SORCS1: variants seen among roughly 807,000 people sequenced by gnomAD.
SORCS1 encodes the protein sortilin related VPS10 domain containing receptor 1, also known as VPS10 domain-containing receptor SorCS1.
In SORCS1, 60 loss-of-function variants were observed where a neutral mutation model predicts 146.1. The ratio of observed to expected loss-of-function variants is 0.41; its 90% CI spans 0.33 to 0.51. SORCS1 has a LOEUF of 0.51. Ranked by LOEUF, SORCS1 falls within the 20% of genes least tolerant of loss-of-function variation. The probability of loss-of-function intolerance (pLI) is 0.21; values close to 1 mark genes in which losing one functional copy is unlikely to be tolerated. For missense variants in SORCS1, 1,352 were observed against 1,487.6 expected (o/e 0.91, Z 1.50); for synonymous variants, 637 against 584.0 (o/e 1.09, Z -1.31).
rs11193221 is a variant in SORCS1 at position 107,155,839 on chromosome 10, G to A, written c.558+8130C>T. 7.4e-3 allele frequency among the ~76,000 whole-genome samples: 1,129 copies of A among 152,186 alleles called. 9 individuals are homozygous for A. Among genetic ancestry groups the A allele is most frequent in the Non-Finnish European group, 0.012 (829 of 68,006 alleles). The stretch of plus-strand genomic sequence containing the variant: ...TTCCAGGGCACAACATGATTAGTTG[G>A]TTGTCTGATAACATGATTCTTATTA... On this transcript the variant is annotated intron_variant, in intron 1 of 25. Coordinates refer to ENST00000263054, the MANE Select transcript of SORCS1 (RefSeq NM_052918.5).
intron 1 of SORCS1, among the ~76,000 whole-genome samples, chr10:107,046,401 T>C (rs1183982141): frequency 2.0e-5 from 3 of 152,112 alleles, no homozygotes; most frequent in Non-Finnish European, 4.4e-5. Context: ...TAAATATATT[T>C]AACATATTTA....
rs188759155 is a variant in SORCS1, at chr10:106,992,029, C to T, written c.559-35449G>A. Among the ~76,000 whole-genome samples, 65 of 144,218 alleles carry T rather than the reference C, an allele frequency of 4.5e-4. No homozygotes were observed. In the East Asian group the frequency reaches 5.2e-3, roughly 12 times the overall value. 94.6% of individuals were successfully genotyped at this position (144,218 alleles called of 152,430 possible). On this transcript the variant is annotated intron_variant, in intron 1 of 25. Transcript: ENST00000263054. ...AAACTTTGCATGTTATAATGTGACT[C>T]GTTGTGAATATTGCCTCAAAAACTT...
chr10:106,800,707 T>C (rs1286697486), intron 3 of SORCS1, among the ~76,000 whole-genome samples: 1 of 151,788 alleles, frequency 6.6e-6, no homozygotes, highest in Non-Finnish European at 1.5e-5. Context: ...TTTGTTTGTT[T>C]GTTTTGTTTT....
intron 15 of SORCS1, among the ~76,000 whole-genome samples, chr10:106,672,618 T>G (rs2486153): frequency 0.99 from 150,269 of 152,310 alleles, 74,161 homozygotes; most frequent in East Asian, 1. Context: ...TTCATTTTGA[T>G]TTGTAAGCCT....
At chr10:106,713,122 G>A (rs74152231) in intron 6 of SORCS1, among the ~76,000 whole-genome samples, 3,780 of 152,200 alleles carry the variant, frequency 0.025, 139 homozygotes, top group African/African-American at 0.085. Context: ...CTAGGTTTCT[G>A]GTTGCCCAAA....
intron 1 of SORCS1, among the ~76,000 whole-genome samples, chr10:106,991,350 C>T (rs1174236725): frequency 2.6e-5 from 4 of 152,232 alleles, no homozygotes; most frequent in African/African-American, 9.6e-5. Flanking sequence ...ATGACACCCA[C>T]ATCCTGGCCT....
At chr10:106,741,361 G>T (rs1185414966) in intron 5 of SORCS1, among the ~76,000 whole-genome samples, 2 of 152,208 alleles carry the variant, frequency 1.3e-5, no homozygotes, top group East Asian at 3.9e-4. Flanking sequence ...CAGTTTGAGA[G>T]GCTAAGGCAG....
chr10:107,011,678 T>C (rs1362302879), intron 1 of SORCS1, among the ~76,000 whole-genome samples: 1 of 152,212 alleles, frequency 6.6e-6, no homozygotes, highest in Admixed American at 6.5e-5. Flanking sequence ...TGTCAGATAA[T>C]ACAAGAGAAC....
intron 14 of SORCS1, 40 bp downstream of exon 14, chr10:106,675,007 CTT>C: frequency 1.3e-6 from 2 of 1,503,074 alleles, no homozygotes; most frequent in Non-Finnish European, 1.8e-6. Context: ...GTGGATTACT[CTT>C]TTCTATGAAG....
At chr10:106,761,236 T>G (rs1859086414) in intron 5 of SORCS1, among the ~76,000 whole-genome samples, 1 of 152,136 alleles carries the variant, frequency 6.6e-6, no homozygotes, top group Middle Eastern at 3.2e-3. Context: ...ATATGCGATA[T>G]ATGTGTATAT....
chr10:106,858,927 T>C (rs1272075026), intron 2 of SORCS1, among the ~76,000 whole-genome samples: 1 of 152,134 alleles, frequency 6.6e-6, no homozygotes, highest in African/African-American at 2.4e-5. Flanking sequence ...ATATGTACCA[T>C]CCATTCTAGT....
At chr10:107,111,780 A>G (rs1370265706) in intron 1 of SORCS1, among the ~76,000 whole-genome samples, 1 of 152,208 alleles carries the variant, frequency 6.6e-6, no homozygotes, top group Non-Finnish European at 1.5e-5. Flanking sequence ...CACATTATAA[A>G]TGAATTATTA....
At chr10:106,745,132 A>G (rs767291802) in intron 5 of SORCS1, among the ~76,000 whole-genome samples, 2 of 152,192 alleles carry the variant, frequency 1.3e-5, no homozygotes, top group Non-Finnish European at 2.9e-5. Flanking sequence ...TAAAGAAACA[A>G]TAAGGGCCAG....
chr10:106,618,536 G>T (rs1339675798), intron 20 of SORCS1, among the ~76,000 whole-genome samples: 3 of 152,188 alleles, frequency 2.0e-5, no homozygotes, highest in Non-Finnish European at 4.4e-5. Flanking sequence ...AGATGGATAG[G>T]TCTTGCTTGC....
chr10:107,052,129 C>T (rs1960179638), intron 1 of SORCS1, among the ~76,000 whole-genome samples: 2 of 152,142 alleles, frequency 1.3e-5, no homozygotes, highest in South Asian at 2.1e-4. Flanking sequence ...TAGCAAGCTG[C>T]TTATTACAGC....
At chr10:106,744,849 G>A (rs1025716533) in intron 5 of SORCS1, among the ~76,000 whole-genome samples, 6 of 152,136 alleles carry the variant, frequency 3.9e-5, no homozygotes, top group Admixed American at 3.9e-4. Context: ...GAAAAGATGT[G>A]TGAGTTGCCC....
chr10:107,091,011 TG>T (rs1263792805), intron 1 of SORCS1, among the ~76,000 whole-genome samples: 1 of 151,798 alleles, frequency 6.6e-6, no homozygotes, highest in Non-Finnish European at 1.5e-5. Context: ...AGTAAACACA[TG>T]GGAAAGAAAA....
intron 1 of SORCS1, among the ~76,000 whole-genome samples, chr10:107,150,872 A>T (rs1470906337): frequency 6.6e-6 from 1 of 152,212 alleles, no homozygotes. Context: ...AAGTTTCGTG[A>T]GGCCTCCCCA....
chr10:107,105,026 T>C (rs1349383789), intron 1 of SORCS1, among the ~76,000 whole-genome samples: 1 of 152,172 alleles, frequency 6.6e-6, no homozygotes, highest in East Asian at 1.9e-4. Flanking sequence ...TTCTCAATAA[T>C]CAACATATAT....
Sources: gnomAD v4.1 joint callset for allele counts (sites outside exome capture counted in the v4.1 genomes callset) on GRCh38, gnomAD v4.1.1 for gene constraint, MANE v1.5 for transcripts, NCBI Gene and HGNC (gene_info 2026-07-23, HGNC 2026-07-21) for gene names.